The following SLC19A1 variants were observed in gnomAD, a reference collection of about 807,000 sequenced individuals.
The protein encoded by SLC19A1 is solute carrier family 19 member 1, also known as reduced folate transporter.
In SLC19A1, 37 loss-of-function variants were observed where a neutral mutation model predicts 35.3. The ratio of observed to expected loss-of-function variants is 1.05; its 90% CI spans 0.81 to 1.38. The LOEUF (loss-of-function observed/expected upper bound fraction) is 1.38. Among genes scored for constraint, SLC19A1 ranks in the 40% most tolerant of loss-of-function variants. SLC19A1 has a pLI of 0.00. For missense variants in SLC19A1, 831 were observed against 826.9 expected (o/e 1.00, Z -0.06); for synonymous variants, 460 against 398.5 (o/e 1.15, Z -1.84).
intron 3 of SLC19A1, among the ~76,000 whole-genome samples, chr21:45,504,745 G>A (rs1006168631): frequency 5.9e-5 from 9 of 151,986 alleles, no homozygotes; most frequent in East Asian, 1.9e-4. Flanking sequence ...CACTGACCCC[G>A]GACACCCCCC....
At chr21:45,521,516 T>C (rs571456128) in intron 5 of SLC19A1, among the ~76,000 whole-genome samples, 2 of 152,330 alleles carry the variant, frequency 1.3e-5, no homozygotes, top group East Asian at 3.9e-4. Context: ...TAGACAAGAT[T>C]ACTCTAAAAT....
In SLC19A1 at chr21:45,532,152, C is replaced by A. The variant is rs1196510335; in HGVS notation, c.190-4G>T. 8 of 1,585,414 alleles carry A rather than the reference C, an allele frequency of 5.0e-6. No individual in the cohort carries two copies. In the Middle Eastern group the frequency reaches 6.7e-4, roughly 134 times the overall value. Reference sequence around the variant, plus strand: ...CCGGCGTGATCTCGTTCGTGACCTGCGGACAGGCGGGCGTGCGCCCCACCA... The same window carrying A: ...CCGGCGTGATCTCGTTCGTGACCTGAGGACAGGCGGGCGTGCGCCCCACCA... On this transcript the variant is annotated splice_region_variant and splice_polypyrimidine_tract_variant and intron_variant, in intron 2 of 5. Transcript: ENST00000311124.
chr21:45,544,669 G>A (rs1042793091), upstream of SLC19A1, among the ~76,000 whole-genome samples: 17 of 152,326 alleles, frequency 1.1e-4, no homozygotes, highest in African/African-American at 4.1e-4. Flanking sequence ...GGGCCCAGCA[G>A]TGTGGATCCC....
chr21:45,537,983 C>T lies in SLC19A1; in HGVS notation c.-24G>A, dbSNP rs1313745877. The T allele has an allele frequency of 4.7e-6, 7 of 1,492,276 alleles. No individual in the cohort carries two copies. The highest frequency in any genetic ancestry group is 1.8e-4 in the Middle Eastern group (1 of 5,504). 92.4% of individuals were successfully genotyped at this position (1,492,276 alleles called of 1,614,324 possible). ...ATCCTGCTCAGGCCACGTGCAGCTC[C>T]GGAGGGGACGAAGGTGACGCTGTGC... On this transcript the variant is annotated 5_prime_UTR_variant, in exon 2 of 6. Coordinates refer to ENST00000311124, the MANE Select transcript of SLC19A1 (RefSeq NM_194255.4).
chr21:45,535,695 G>A lies in SLC19A1; in HGVS notation c.189+2076C>T, dbSNP rs545195865. Reference sequence around the variant, plus strand: ...GCCCACTGCCTGAGGCTGCCAGCTCGTGCTCTACCTGCAGCCATCACCTGC... The same window carrying A: ...GCCCACTGCCTGAGGCTGCCAGCTCATGCTCTACCTGCAGCCATCACCTGC... On this transcript the variant is annotated intron_variant, in intron 2 of 5. Coordinates refer to ENST00000311124, the MANE Select transcript of SLC19A1 (RefSeq NM_194255.4). Among the ~76,000 whole-genome samples the A allele has an allele frequency of 5.3e-5, 8 of 152,338 alleles. No homozygotes were observed. In the East Asian group the frequency reaches 5.8e-4, roughly 11 times the overall value.
intron 1 of SLC19A1, among the ~76,000 whole-genome samples, chr21:45,561,696 G>C (rs1405684703): frequency 2.6e-5 from 4 of 152,088 alleles, no homozygotes; most frequent in African/African-American, 9.7e-5. Context: ...AGGAGGCGGA[G>C]GTTGTAGTGA....
Position 45,533,798 on chromosome 21 carries a change from C to T in SLC19A1, c.190-1650G>A, listed in dbSNP as rs548175131. ...GGGGTGCTGCGCCGAGCCACGCCGC[C>T]TCCCCGGGGGCTCTCAGCCTCGTGT... On this transcript the variant is annotated intron_variant, in intron 2 of 5. Coordinates refer to ENST00000311124, the MANE Select transcript of SLC19A1 (RefSeq NM_194255.4). This position sits in a 1 kb window ranked among gnomAD's most constrained non-coding sequence, Gnocchi z 4.5. Among the ~76,000 whole-genome samples, 2 of 152,224 alleles carry T rather than the reference C, an allele frequency of 1.3e-5. No homozygotes were observed. The highest frequency in any genetic ancestry group is 2.9e-5 in the Non-Finnish European group (2 of 68,020).
chr21:45,504,525 C>T (rs758192127), intron 3 of SLC19A1: 1 of 1,516,248 alleles, frequency 6.6e-7, no homozygotes, highest in Non-Finnish European at 9.0e-7. Context: ...CCCCCAGGCC[C>T]CCCAGGCCCA....
At chr21:45,510,895 G>A (rs1305294173), downstream of SLC19A1, among the ~76,000 whole-genome samples, 2 of 151,872 alleles carry the variant, frequency 1.3e-5, no homozygotes, top group Non-Finnish European at 2.9e-5. Flanking sequence ...CTTGTTCCCT[G>A]GCAGGACATG....
At chr21:45,527,439 G>T (rs938222100) in intron 4 of SLC19A1, among the ~76,000 whole-genome samples, 1 of 145,900 alleles carries the variant, frequency 6.9e-6, no homozygotes, top group African/African-American at 2.6e-5. Flanking sequence ...GTGGGCCCTG[G>T]AGGTGAGTGG....
intron 3 of SLC19A1, chr21:45,506,130 T>A: frequency 8.9e-7 from 1 of 1,121,648 alleles, no homozygotes; most frequent in Non-Finnish European, 1.3e-6. Context: ...AAAATACTTT[T>A]GTGAGCAGTT....
rs200647386 is a variant in SLC19A1, at chr21:45,530,950, G to A, written c.971C>T (p.Ala324Val). Reference protein sequence around the residue: ...TLLGAITSFAAGFVKIRWARW... With the variant: ...TLLGAITSFAVGFVKIRWARW... ...CGCCCAGCGGATCTTCACGAAGCCC[G>A]CGGCGAAGGACGTGATGGCGCCTGA... The change falls in exon 4 of 6, where the codon GCG becomes GTG. Residue 324 changes from alanine to valine, a missense_variant. Transcript: ENST00000311124. The surrounding 1 kb of genome is among the most constrained non-coding windows in gnomAD (Gnocchi z 5.3). 557 of 1,452,008 alleles carry A rather than the reference G, an allele frequency of 3.8e-4. No homozygotes were observed. The highest frequency in any genetic ancestry group is 4.7e-4 in the Non-Finnish European group (518 of 1,104,708). The allele number at this position is 1,452,008 out of a possible 1,614,324, so 89.9% of individuals were successfully genotyped here.
rs142360873 is a variant in SLC19A1, at chr21:45,537,779, G to A, written c.181C>T (p.Arg61Trp). Reference sequence around the variant, plus strand: ...CCCCGGCACCCACATGCCTGCTCCCGCGTGAAGTTCTTGTCGGGCCCCAGG... The same window carrying A: ...CCCCGGCACCCACATGCCTGCTCCCACGTGAAGTTCTTGTCGGGCCCCAGG... ...YLLGPDKNFT[R>W]EQVTNEITPV... Residue 61 changes from arginine to tryptophan, a missense_variant, in exon 2 of 6, where the codon CGG becomes TGG. Coordinates refer to ENST00000311124, the MANE Select transcript of SLC19A1 (RefSeq NM_194255.4). The A allele has an allele frequency of 8.3e-5, 96 of 1,162,624 alleles. No homozygotes were observed. The highest frequency in any genetic ancestry group is 2.8e-4 in the Middle Eastern group (1 of 3,550). 72.0% of individuals were successfully genotyped at this position (1,162,624 alleles called of 1,614,324 possible). A position where few individuals can be genotyped will look rare whatever the true frequency, so the allele number is the denominator to read the frequency against.
In SLC19A1 at chr21:45,515,702, A is replaced by G; in HGVS notation, c.1732T>C (p.Leu578=). ...ACACCGTCGCTTGGAAGACACTGCA[A>G]ACCCAGCTTGCTGACACCAGGAGGA... ...VHPPGVSKLG[L]QCLPSDGVQN... is the part of the protein sequence containing the mutation. Residue 578 remains leucine (L), a synonymous_variant, in exon 6 of 6, where the codon TTG becomes CTG. Coordinates refer to ENST00000311124, the MANE Select transcript of SLC19A1 (RefSeq NM_194255.4). 1 of 1,613,742 alleles carries G rather than the reference A, an allele frequency of 6.2e-7. No homozygotes were observed. Among genetic ancestry groups the G allele is most frequent in the Non-Finnish European group, 8.5e-7 (1 of 1,180,000 alleles).
chr21:45,505,946 A>G lies in SLC19A1; in HGVS notation c.498-7334T>C. 6.2e-7 allele frequency: 1 copy of G among 1,613,218 alleles called. No homozygotes were observed. Among genetic ancestry groups the G allele is most frequent in the Non-Finnish European group, 8.5e-7 (1 of 1,179,960 alleles). ...GGAGGAGCTCTACGTCCGCGTGCAGAACGGGTTCCGGAAGGTCCAGGTGAG... is the reference window on the plus strand; with the variant it reads ...GGAGGAGCTCTACGTCCGCGTGCAGGACGGGTTCCGGAAGGTCCAGGTGAG... On this transcript the variant is annotated intron_variant, in intron 3 of 4. Coordinates refer to the SLC19A1 transcript ENST00000417954.
intron 5 of SLC19A1, among the ~76,000 whole-genome samples, chr21:45,523,709 C>T (rs906768906): frequency 6.6e-6 from 1 of 152,216 alleles, no homozygotes; most frequent in African/African-American, 2.4e-5. Flanking sequence ...CAGGGGCAGT[C>T]AGCACCCAGA....
At chr21:45,529,841 GGTGT>G (rs1220619070) in intron 4 of SLC19A1, among the ~76,000 whole-genome samples, 22 of 151,306 alleles carry the variant, frequency 1.5e-4, no homozygotes, top group African/African-American at 5.3e-4. Flanking sequence ...GTGTCTGTGT[GGTGT>G]GTGTCCATGT....
chr21:45,510,377 C>G, downstream of SLC19A1: 4 of 1,221,874 alleles, frequency 3.3e-6, no homozygotes, highest in South Asian at 2.6e-5. Flanking sequence ...GTTACAGACA[C>G]TGGCGCCTAG....
At position 45,555,097 on chromosome 21, in the gene SLC19A1, C is replaced by T. The variant is rs578187188; in HGVS notation, c.-50+7645G>A. On this transcript the variant is annotated intron_variant, in intron 1 of 5. Coordinates refer to the SLC19A1 transcript ENST00000650808. ...AGTGGCCACCAGGGGGCGAGCGGCG[C>T]CCGGAGCCTCCGCGGGTCCCAGCCC... Among the ~76,000 whole-genome samples, 221 of 145,984 alleles carry T rather than the reference C, an allele frequency of 1.5e-3. 1 individual carries two copies. The highest frequency in any genetic ancestry group is 5.4e-3 in the African/African-American group (212 of 39,330).
Sources: gnomAD v4.1 joint callset for allele counts (sites outside exome capture counted in the v4.1 genomes callset) on GRCh38, gnomAD v4.1.1 for gene constraint, Gnocchi (gnomAD v3.1) non-coding constraint, MANE v1.5 for transcripts, NCBI Gene and HGNC (gene_info 2026-07-23, HGNC 2026-07-21) for gene names.